SYK: variants seen among roughly 807,000 people sequenced by gnomAD.
SYK encodes spleen associated tyrosine kinase.
A neutral mutation model predicts 77.8 loss-of-function variants in SYK; 16 were observed. The ratio of observed to expected loss-of-function variants is 0.21; its 90% CI spans 0.14 to 0.31. SYK has a LOEUF of 0.31. Among genes scored for constraint, SYK ranks in the 10% least tolerant of loss-of-function variants. SYK has a pLI of 1.00. For synonymous variants in SYK, 312 were observed against 308.7 expected, an observed-to-expected ratio of 1.01 and a Z score of -0.11; for missense variants, 529 against 814.4, an observed-to-expected ratio of 0.65 and a Z score of 4.26.
At chr9:90,832,653 C>T (rs1288071210) in intron 1 of SYK, among the ~76,000 whole-genome samples, 1 of 152,228 alleles carries the variant, frequency 6.6e-6, no homozygotes, top group African/African-American at 2.4e-5. Flanking sequence ...CTAGCTCATA[C>T]ACTCACCAGC....
chr9:90,841,249 G>T (rs1441380230), intron 1 of SYK, among the ~76,000 whole-genome samples: 3 of 151,214 alleles, frequency 2.0e-5, no homozygotes, highest in Non-Finnish European at 3.0e-5. Flanking sequence ...TGTGTGTGTG[G>T]TGTGTTTGCA....
chr9:90,865,725 A>G lies in SYK; in HGVS notation c.846+628A>G, dbSNP rs74823670. ...AAGTAGGCCTCTTGCAATATTTGAG[A>G]AATGGGAACATATTTTTTAACTTCA... On this transcript the variant is annotated intron_variant, in intron 6 of 13. Coordinates refer to ENST00000375754, the MANE Select transcript of SYK (RefSeq NM_003177.7). Among the ~76,000 whole-genome samples, 22 of 152,242 alleles carry G rather than the reference A, an allele frequency of 1.4e-4. No individual in the cohort carries two copies. In the East Asian group the frequency reaches 4.3e-3, roughly 29 times the overall value.
At chr9:90,863,276 C>T (rs1314748237) in intron 4 of SYK, among the ~76,000 whole-genome samples, 1 of 152,152 alleles carries the variant, frequency 6.6e-6, no homozygotes, top group African/African-American at 2.4e-5. Context: ...ACCACCCCAC[C>T]GCCCCAGAGC....
chr9:90,802,709 CT>C (rs1268660633), intron 1 of SYK, among the ~76,000 whole-genome samples: 1 of 148,644 alleles, frequency 6.7e-6, no homozygotes, highest in Non-Finnish European at 1.5e-5. Context: ...GAGTTTGAAT[CT>C]TTTTTTACGT....
chr9:90,884,280 C>CATATAT (rs200005677), intron 11 of SYK, among the ~76,000 whole-genome samples: 2 of 57,534 alleles, frequency 3.5e-5, no homozygotes, highest in African/African-American at 1.5e-4. Flanking sequence ...TATATATACA[C>CATATAT]ACATATACAC....
chr9:90,873,083 G>A (rs936309403), intron 7 of SYK, among the ~76,000 whole-genome samples: 2 of 152,176 alleles, frequency 1.3e-5, no homozygotes, highest in Non-Finnish European at 2.9e-5. Flanking sequence ...AAGAAGGTCC[G>A]GGTGTTTGGA....
chr9:90,847,922 G>T (rs1587856564), intron 3 of SYK, among the ~76,000 whole-genome samples: 1 of 152,228 alleles, frequency 6.6e-6, no homozygotes, highest in Admixed American at 6.5e-5. Context: ...AACAGAGAAA[G>T]TGTGAGGAAA....
At chr9:90,879,019 T>G (rs1220745229) in intron 11 of SYK, 66 bp downstream of exon 11, 17 of 1,242,476 alleles carry the variant, frequency 1.4e-5, no homozygotes, top group Non-Finnish European at 1.8e-5. Context: ...ATGTACGTTT[T>G]CTTTATTTTA....
intron 9 of SYK, 26 bp downstream of exon 9, chr9:90,874,875 C>T (rs1827869012): frequency 6.2e-7 from 1 of 1,612,774 alleles, no homozygotes; most frequent in African/African-American, 1.3e-5. Context: ...CCACCAGCCT[C>T]ACCCTCACAT....
chr9:90,847,615 T>C (rs1467025447), intron 3 of SYK, among the ~76,000 whole-genome samples: 1 of 152,230 alleles, frequency 6.6e-6, no homozygotes, highest in Non-Finnish European at 1.5e-5. Flanking sequence ...TGCCCAGGCC[T>C]GGCATCAGGC....
chr9:90,882,905 CAG>C (rs1313470015), intron 11 of SYK, among the ~76,000 whole-genome samples: 2 of 152,144 alleles, frequency 1.3e-5, no homozygotes, highest in Non-Finnish European at 2.9e-5. Flanking sequence ...CTCCACATTC[CAG>C]CCAAGGACTT....
In SYK at chr9:90,867,172, C is replaced by T; in HGVS notation, c.888C>T (p.Tyr296=). ...GAATAATCTCAAGAATCAAATCATA[C>T]TCCTTCCCAAAGCCTGGCCACAGAA... ...AGGIISRIKS[Y]SFPKPGHRKS... Residue 296 remains tyrosine (Y), a synonymous_variant, in exon 7 of 14, where the codon TAC becomes TAT. Transcript: ENST00000375754. The T allele has an allele frequency of 6.2e-7, 1 of 1,614,172 alleles. No individual in the cohort carries two copies. The highest frequency in any genetic ancestry group is 1.1e-5 in the South Asian group (1 of 91,084).
chr9:90,836,164 G>A (rs1368636738), intron 1 of SYK, among the ~76,000 whole-genome samples: 1 of 151,994 alleles, frequency 6.6e-6, no homozygotes, highest in African/African-American at 2.4e-5. Context: ...GTGGGCACCT[G>A]TAATCCCAGC....
intron 1 of SYK, among the ~76,000 whole-genome samples, chr9:90,835,395 G>A (rs1864204): frequency 0.061 from 9,306 of 152,240 alleles, 368 homozygotes; most frequent in Non-Finnish European, 0.089. Context: ...CACTGGGGCC[G>A]GTGCACTTTT....
intron 1 of SYK, among the ~76,000 whole-genome samples, chr9:90,838,801 A>C (rs1037746396): frequency 6.6e-6 from 1 of 152,240 alleles, no homozygotes; most frequent in Non-Finnish European, 1.5e-5. Flanking sequence ...GGAATGCTAA[A>C]GAGAATTTGA....
At position 90,877,655 on chromosome 9, in the gene SYK, T is replaced by C. The variant is rs771368043; in HGVS notation, c.1266T>C (p.Asn422=). 5.0e-6 allele frequency: 8 copies of C among 1,614,228 alleles called. No homozygotes were observed. The Admixed American group carries it at 1.3e-4, about 27-fold the overall frequency. Residue 422 remains asparagine, a synonymous_variant, in exon 10 of 14, where the codon AAT becomes AAC. Coordinates refer to ENST00000375754, the MANE Select transcript of SYK (RefSeq NM_003177.7). ...AAGATGAGTTATTAGCAGAAGCAAATGTCATGCAGCAGCTGGACAACCCGT... is the reference window on the plus strand; with the variant it reads ...AAGATGAGTTATTAGCAGAAGCAAACGTCATGCAGCAGCTGGACAACCCGT... ...ALKDELLAEA[N]VMQQLDNPYI...
At chr9:90,884,192 CATACACATACGTGTATATATACACGCAT>C (rs1828287510) in intron 11 of SYK, among the ~76,000 whole-genome samples, 1 of 145,860 alleles carries the variant, frequency 6.9e-6, no homozygotes, top group Non-Finnish European at 1.5e-5. Flanking sequence ...TATATACACA[CATACACATACGTGTATATATACACGCAT>C]ATACACATAC....
intron 1 of SYK, among the ~76,000 whole-genome samples, chr9:90,813,549 G>A (rs896712272): frequency 1.3e-5 from 2 of 152,152 alleles, no homozygotes; most frequent in South Asian, 2.1e-4. Context: ...GGGGCTGGTA[G>A]TACCCCATCT....
Position 90,895,658 on chromosome 9 carries a change from T to A in SYK, c.*58T>A. The A allele has an allele frequency of 6.6e-7, 1 of 1,513,280 alleles. No homozygotes were observed. The highest frequency in any genetic ancestry group is 9.2e-7 in the Non-Finnish European group (1 of 1,090,256). 93.7% of individuals were successfully genotyped at this position (1,513,280 alleles called of 1,614,324 possible). A position where few individuals can be genotyped will look rare whatever the true frequency, so the allele number is the denominator to read the frequency against. On this transcript the variant is annotated 3_prime_UTR_variant, in exon 14 of 14. Transcript: ENST00000375754. This position sits in a 1 kb window ranked among gnomAD's most constrained non-coding sequence, Gnocchi z 4.4. ...TCACAGGAGCAATCACAGGAAAATG[T>A]ATCCAGAGGAATTGATTGTCAGCCA...
Sources: allele counts gnomAD v4.1 joint callset (sites outside exome capture counted in the v4.1 genomes callset), GRCh38; gene constraint gnomAD v4.1.1; non-coding constraint Gnocchi (gnomAD v3.1); transcripts MANE v1.5; gene names NCBI Gene and HGNC (gene_info 2026-07-23, HGNC 2026-07-21).